Variants in UNC5D observed in about 807,000 individuals in gnomAD.
The protein encoded by UNC5D is unc-5 netrin receptor D.
Under a neutral mutation model 105.4 loss-of-function variants are expected in UNC5D, and 39 were observed. That is an observed-to-expected ratio of 0.37 (90% CI 0.29 to 0.48). The LOEUF (loss-of-function observed/expected upper bound fraction) is 0.48, where lower values mean the gene tolerates loss of function less well. UNC5D is among the 20% of genes least tolerant of loss of function. UNC5D has a pLI of 0.98. For synonymous variants in UNC5D, 452 were observed against 450.4 expected (o/e 1.00, Z -0.04); for missense variants, 991 against 1,202.4 (o/e 0.82, Z 2.60).
chr8:35,661,271 T>G (rs542285344), intron 4 of UNC5D, among the ~76,000 whole-genome samples: 5 of 152,180 alleles, frequency 3.3e-5, no homozygotes, highest in African/African-American at 1.2e-4. Context: ...GCATACTGGA[T>G]GCATTGCCCA....
At chr8:35,535,624 T>C (rs1005849756) in intron 1 of UNC5D, among the ~76,000 whole-genome samples, 1 of 152,020 alleles carries the variant, frequency 6.6e-6, no homozygotes, top group African/African-American at 2.4e-5. Context: ...ATGTTAGATA[T>C]TGCTTTGGAA....
At chr8:35,766,155 G>T (rs1801756038) in intron 14 of UNC5D, among the ~76,000 whole-genome samples, 1 of 152,084 alleles carries the variant, frequency 6.6e-6, no homozygotes. Flanking sequence ...TGTCCCCTGA[G>T]AGTAGGGGAC....
At chr8:35,300,907 A>G (rs1345175902) in intron 1 of UNC5D, among the ~76,000 whole-genome samples, 1 of 152,186 alleles carries the variant, frequency 6.6e-6, no homozygotes, top group Non-Finnish European at 1.5e-5. Context: ...AGAGTTATTA[A>G]TATGAATGCA....
chr8:35,534,958 T>C (rs759760594), intron 1 of UNC5D, among the ~76,000 whole-genome samples: 3 of 152,162 alleles, frequency 2.0e-5, no homozygotes, highest in Non-Finnish European at 4.4e-5. Flanking sequence ...TGTTAGGGAA[T>C]GTCTCATTCC....
At chr8:35,762,779 A>T (rs1209019550) in intron 14 of UNC5D, among the ~76,000 whole-genome samples, 1 of 152,160 alleles carries the variant, frequency 6.6e-6, no homozygotes, top group African/African-American at 2.4e-5. Context: ...TAAATTATTT[A>T]TTTTTAAAAG....
intron 1 of UNC5D, among the ~76,000 whole-genome samples, chr8:35,436,435 G>A (rs922457398): frequency 6.6e-6 from 1 of 151,844 alleles, no homozygotes; most frequent in African/African-American, 2.4e-5. Context: ...CTATATTTTG[G>A]GGCTTATAAT....
chr8:35,447,384 C>T (rs1334511793), intron 1 of UNC5D, among the ~76,000 whole-genome samples: 1 of 152,068 alleles, frequency 6.6e-6, no homozygotes, highest in Non-Finnish European at 1.5e-5. Context: ...TGCAGCTAAA[C>T]TCAGAGGTTC....
intron 1 of UNC5D, among the ~76,000 whole-genome samples, chr8:35,308,112 A>ATGTGTGTG (rs374542443): frequency 0.02 from 2,961 of 147,706 alleles, 45 homozygotes; most frequent in Admixed American, 0.049. Flanking sequence ...CTATGTCACA[A>ATGTGTGTG]TGTATGTGTG....
At chr8:35,390,215 G>A (rs1348045129) in intron 1 of UNC5D, among the ~76,000 whole-genome samples, 2 of 152,094 alleles carry the variant, frequency 1.3e-5, no homozygotes, top group Non-Finnish European at 2.9e-5. Flanking sequence ...ATACCAAGAG[G>A]GATGGTGAGA....
At chr8:35,783,521 C>G (rs902738924) in intron 16 of UNC5D, among the ~76,000 whole-genome samples, 1 of 151,722 alleles carries the variant, frequency 6.6e-6, no homozygotes, top group Non-Finnish European at 1.5e-5. Context: ...AGACTCAGAA[C>G]GCTGAGCTGG....
At chr8:35,544,494 C>A (rs1174683778) in intron 1 of UNC5D, 1 of 1,613,318 alleles carries the variant, frequency 6.2e-7, no homozygotes, top group African/African-American at 1.3e-5. Flanking sequence ...TGTGCTGGGA[C>A]TTCCGGGTTC....
chr8:35,721,492 C>T (rs771290686), intron 8 of UNC5D: 28 of 702,730 alleles, frequency 4.0e-5, no homozygotes, highest in Non-Finnish European at 5.5e-5. Flanking sequence ...CAGCATGTGC[C>T]GTCCTAGCAA....
At chr8:35,630,521 G>A (rs1396635670) in intron 4 of UNC5D, among the ~76,000 whole-genome samples, 3 of 152,128 alleles carry the variant, frequency 2.0e-5, no homozygotes, top group African/African-American at 4.8e-5. Flanking sequence ...TTCTCTCTCC[G>A]TGTGATTTCA....
At chr8:35,726,746 C>T in intron 10 of UNC5D, 1 of 676,284 alleles carries the variant, frequency 1.5e-6, no homozygotes, top group Non-Finnish European at 2.4e-6. Flanking sequence ...TGAATGCTCC[C>T]TTTGATTCCC....
chr8:35,455,667 T>TAA (rs916759567), intron 1 of UNC5D, among the ~76,000 whole-genome samples: 1 of 137,610 alleles, frequency 7.3e-6, no homozygotes, highest in East Asian at 2.1e-4. Context: ...GGTAATCTAT[T>TAA]AAAAAAAAAA....
At chr8:35,497,488 G>A (rs1811673354) in intron 1 of UNC5D, among the ~76,000 whole-genome samples, 1 of 152,098 alleles carries the variant, frequency 6.6e-6, no homozygotes, top group Non-Finnish European at 1.5e-5. Context: ...GAAACCTGAT[G>A]GTTTCTTTAT....
chr8:35,316,010 G>C (rs1809275795), intron 1 of UNC5D, among the ~76,000 whole-genome samples: 1 of 152,190 alleles, frequency 6.6e-6, no homozygotes, highest in Non-Finnish European at 1.5e-5. Flanking sequence ...ATAGCTTAAA[G>C]AGATCGGTCG....
intron 4 of UNC5D, among the ~76,000 whole-genome samples, chr8:35,603,434 A>G (rs1820036464): frequency 6.6e-6 from 1 of 152,128 alleles, no homozygotes; most frequent in African/African-American, 2.4e-5. Flanking sequence ...CTGTTCTTTT[A>G]CATTTGCTGA....
chr8:35,670,779 T>C (rs1438725401), intron 4 of UNC5D, among the ~76,000 whole-genome samples: 20 of 144,846 alleles, frequency 1.4e-4, no homozygotes, highest in Non-Finnish European at 2.8e-4. Flanking sequence ...AAAACCTTGA[T>C]GACAGGTTGA....
Sources: gnomAD v4.1 joint callset for allele counts (sites outside exome capture counted in the v4.1 genomes callset) on GRCh38, gnomAD v4.1.1 for gene constraint, MANE v1.5 for transcripts, NCBI Gene and HGNC (gene_info 2026-07-23, HGNC 2026-07-21) for gene names.